KLHL1: variants seen among roughly 807,000 people sequenced by gnomAD.
KLHL1 encodes the protein kelch-like protein 1.
A neutral mutation model predicts 77.7 loss-of-function variants in KLHL1; 47 were observed. The ratio of observed to expected loss-of-function variants is 0.60; its 90% CI spans 0.48 to 0.77. The LOEUF is 0.77. Among genes scored for constraint, KLHL1 ranks in the 30% least tolerant of loss-of-function variants. The pLI, the probability that KLHL1 is intolerant of heterozygous loss-of-function variation, is 0.00. For synonymous variants in KLHL1, 360 were observed against 325.2 expected (o/e 1.11, Z -1.15); for missense variants, 925 against 910.8 (o/e 1.02, Z -0.20).
intron 4 of KLHL1, among the ~76,000 whole-genome samples, chr13:69,922,370 G>A (rs1484830242): frequency 1.3e-5 from 2 of 152,102 alleles, no homozygotes; most frequent in Non-Finnish European, 2.9e-5. Context: ...ACGAAATGGT[G>A]GAGAACAGTA....
intron 4 of KLHL1, among the ~76,000 whole-genome samples, chr13:69,898,357 C>A (rs1451936158): frequency 6.6e-6 from 1 of 152,152 alleles, no homozygotes; most frequent in Non-Finnish European, 1.5e-5. Context: ...CAGAGGAGAT[C>A]AGAGGTCTTA....
intron 7 of KLHL1, among the ~76,000 whole-genome samples, chr13:69,792,576 A>G (rs2138030388): frequency 7.6e-6 from 1 of 131,734 alleles, no homozygotes; most frequent in East Asian, 2.1e-4. Context: ...AATTGAAAAC[A>G]TATGTTCAAA....
chr13:69,766,926 A>G (rs1037986445), intron 7 of KLHL1, among the ~76,000 whole-genome samples: 1 of 152,208 alleles, frequency 6.6e-6, no homozygotes, highest in African/African-American at 2.4e-5. Flanking sequence ...AACTAATTTT[A>G]TGGAAAGTAA....
chr13:69,880,680 T>C (rs115270299), intron 5 of KLHL1, among the ~76,000 whole-genome samples: 2,437 of 152,164 alleles, frequency 0.016, 70 homozygotes, highest in African/African-American at 0.055. Flanking sequence ...GGTGGCAGCA[T>C]CTCCCTATAA....
chr13:69,937,992 G>GA (rs374051751), intron 4 of KLHL1, among the ~76,000 whole-genome samples: 10 of 151,722 alleles, frequency 6.6e-5, no homozygotes, highest in African/African-American at 1.9e-4. Flanking sequence ...ACGTGTAGTA[G>GA]AAAAAATGGA....
chr13:69,943,161 T>C (rs1038210709), intron 3 of KLHL1, among the ~76,000 whole-genome samples: 2 of 152,058 alleles, frequency 1.3e-5, no homozygotes, highest in African/African-American at 2.4e-5. Context: ...ATCAAGAGGC[T>C]CATGATGTCA....
chr13:69,775,722 GCT>G (rs1875794268), intron 7 of KLHL1, among the ~76,000 whole-genome samples: 1 of 151,648 alleles, frequency 6.6e-6, no homozygotes, highest in Non-Finnish European at 1.5e-5. Flanking sequence ...ACAGTGTCGT[GCT>G]CTGTCACTAG....
At chr13:69,911,528 C>G (rs1160156553) in intron 4 of KLHL1, among the ~76,000 whole-genome samples, 11 of 148,836 alleles carry the variant, frequency 7.4e-5, no homozygotes, top group Non-Finnish European at 1.5e-5. Context: ...CATGAGTAGG[C>G]TCAAATCTTG....
intron 6 of KLHL1, among the ~76,000 whole-genome samples, chr13:69,798,628 A>G (rs1260482489): frequency 6.6e-6 from 1 of 151,950 alleles, no homozygotes; most frequent in African/African-American, 2.4e-5. Context: ...TAATATATTT[A>G]TTATATTGGA....
At chr13:69,998,024 G>T (rs185165834) in intron 1 of KLHL1, among the ~76,000 whole-genome samples, 1 of 151,880 alleles carries the variant, frequency 6.6e-6, no homozygotes, top group Non-Finnish European at 1.5e-5. Flanking sequence ...GTGAAGAACT[G>T]CAATACTGTT....
intron 1 of KLHL1, among the ~76,000 whole-genome samples, chr13:70,031,532 T>C (rs1042964745): frequency 2.6e-5 from 4 of 152,208 alleles, no homozygotes; most frequent in Non-Finnish European, 5.9e-5. Context: ...AGGCATTGTC[T>C]AAAATATTGT....
chr13:69,784,855 T>C (rs1320046192), intron 7 of KLHL1, among the ~76,000 whole-genome samples: 1 of 144,668 alleles, frequency 6.9e-6, no homozygotes, highest in Non-Finnish European at 1.5e-5. Context: ...TCTACAGAAC[T>C]CTCCACCCCA....
intron 4 of KLHL1, among the ~76,000 whole-genome samples, chr13:69,933,697 G>T (rs1403377307): frequency 6.6e-6 from 1 of 151,942 alleles, no homozygotes; most frequent in African/African-American, 2.4e-5. Flanking sequence ...GAACAAGGCA[G>T]CCTTTAATTA....
At chr13:70,096,511 A>T (rs527522209) in intron 1 of KLHL1, among the ~76,000 whole-genome samples, 1 of 152,006 alleles carries the variant, frequency 6.6e-6, no homozygotes, top group South Asian at 2.1e-4. Context: ...ATGTCTATTG[A>T]TATCTTTGCC....
chr13:69,970,719 T>C (rs1346775721), intron 2 of KLHL1, among the ~76,000 whole-genome samples: 3 of 152,064 alleles, frequency 2.0e-5, no homozygotes, highest in African/African-American at 7.2e-5. Context: ...CTGCAGGAAG[T>C]CATATGCAGA....
At chr13:70,094,057 T>C (rs1219214761) in intron 1 of KLHL1, among the ~76,000 whole-genome samples, 1 of 152,176 alleles carries the variant, frequency 6.6e-6, no homozygotes, top group East Asian at 1.9e-4. Context: ...TTGCTTTAAC[T>C]TACCAGTAGT....
intron 4 of KLHL1, among the ~76,000 whole-genome samples, chr13:69,924,356 A>G (rs1882743642): frequency 6.6e-6 from 1 of 152,126 alleles, no homozygotes; most frequent in Admixed American, 6.5e-5. Context: ...TCCATGAAGC[A>G]ATCAGCATTC....
chr13:69,996,910 ATTTTTTTTTTTTTT>A (rs10549532), intron 1 of KLHL1, among the ~76,000 whole-genome samples: 85 of 71,252 alleles, frequency 1.2e-3, no homozygotes, highest in Middle Eastern at 0.01. Context: ...TATTCATTAA[ATTTTTTTTTTTTTT>A]TTTTTTTTTT....
At chr13:69,793,052 C>G (rs1299701205) in intron 7 of KLHL1, among the ~76,000 whole-genome samples, 1 of 151,868 alleles carries the variant, frequency 6.6e-6, no homozygotes, top group Non-Finnish European at 1.5e-5. Flanking sequence ...TGAATTGAAA[C>G]CAAACTAAAA....
Sources: gnomAD v4.1 joint callset for allele counts (sites outside exome capture counted in the v4.1 genomes callset) on GRCh38, gnomAD v4.1.1 for gene constraint, MANE v1.5 for transcripts, NCBI Gene and HGNC (gene_info 2026-07-23, HGNC 2026-07-21) for gene names.